RPS6KA2: variants seen among roughly 807,000 people sequenced by gnomAD.
RPS6KA2 encodes ribosomal protein S6 kinase A2.
Under a neutral mutation model 91.8 loss-of-function variants are expected in RPS6KA2, and 42 were observed. The observed-to-expected ratio is 0.46, with a 90% CI of 0.36 to 0.59. The LOEUF (loss-of-function observed/expected upper bound fraction) is 0.59. Ranked by LOEUF, RPS6KA2 falls within the 20% of genes least tolerant of loss-of-function variation. The pLI, the probability that RPS6KA2 is intolerant of heterozygous loss-of-function variation, is 0.00. For missense variants in RPS6KA2, 798 were observed against 978.5 expected (o/e 0.82, Z 2.46); for synonymous variants, 414 against 393.6 (o/e 1.05, Z -0.61).
Position 166,662,653 on chromosome 6 carries a change from A to G in RPS6KA2, c.124-123869T>C, listed in dbSNP as rs1788194103. ...TATATGAATTTGACTTGTGTATCATATACCTGGATTCTCTGGTTTAGCTTG... is the reference window on the plus strand; with the variant it reads ...TATATGAATTTGACTTGTGTATCATGTACCTGGATTCTCTGGTTTAGCTTG... On this transcript the variant is annotated intron_variant, in intron 2 of 21. Coordinates refer to the RPS6KA2 transcript ENST00000503859. The surrounding 1 kb of genome is among the most constrained non-coding windows in gnomAD (Gnocchi z 4.3). Among the ~76,000 whole-genome samples the G allele has an allele frequency of 1.3e-5, 2 of 152,224 alleles. No individual in the cohort carries two copies. The highest frequency in any genetic ancestry group is 2.9e-5 in the Non-Finnish European group (2 of 68,036).
chr6:166,531,966 G>T (rs1562561062), intron 2 of RPS6KA2, among the ~76,000 whole-genome samples: 1 of 151,260 alleles, frequency 6.6e-6, no homozygotes, highest in East Asian at 1.9e-4. Context: ...CAAAACTGGA[G>T]TTCCTTTGTA....
chr6:166,790,779 A>G (rs192203629), intron 2 of RPS6KA2, among the ~76,000 whole-genome samples: 3 of 152,332 alleles, frequency 2.0e-5, no homozygotes, highest in African/African-American at 4.8e-5. Flanking sequence ...CATAAGTGAA[A>G]GAGAAATAAA....
At chr6:166,549,365 T>C (rs981501733) in intron 1 of RPS6KA2, among the ~76,000 whole-genome samples, 2 of 152,214 alleles carry the variant, frequency 1.3e-5, no homozygotes, top group Non-Finnish European at 2.9e-5. Context: ...CAAATGTTCA[T>C]AGCAGCTTTA....
chr6:166,710,721 A>C (rs1173228558), intron 2 of RPS6KA2, among the ~76,000 whole-genome samples: 1 of 152,124 alleles, frequency 6.6e-6, no homozygotes, highest in Non-Finnish European at 1.5e-5. Flanking sequence ...CTGGAAGATG[A>C]CTCTGACAGG....
intron 2 of RPS6KA2, among the ~76,000 whole-genome samples, chr6:166,674,893 T>C (rs769242984): frequency 9.9e-5 from 15 of 152,210 alleles, no homozygotes; most frequent in Non-Finnish European, 2.2e-4. Context: ...GGTCTCTAAC[T>C]CCTGACCTCA....
At chr6:166,501,057 G>C (rs1050494631) in intron 6 of RPS6KA2, 133 bp from the exon 7 acceptor site, 10 of 735,048 alleles carry the variant, frequency 1.4e-5, no homozygotes, top group Non-Finnish European at 2.3e-5. Context: ...AGCTGGCCCA[G>C]GAGATCCCCA....
At chr6:166,589,542 T>C (rs988163295) in intron 1 of RPS6KA2, among the ~76,000 whole-genome samples, 1 of 152,374 alleles carries the variant, frequency 6.6e-6, no homozygotes, top group Non-Finnish European at 1.5e-5. Context: ...CAGTCATGCT[T>C]CATGGAAGGC....
chr6:166,729,422 A>G (rs1389062062), intron 2 of RPS6KA2, among the ~76,000 whole-genome samples: 1 of 152,210 alleles, frequency 6.6e-6, no homozygotes, highest in Admixed American at 6.5e-5. Context: ...ATCACGGCTC[A>G]CTGCAGCTTC....
At chr6:166,646,451 A>G (rs1787604116) in intron 2 of RPS6KA2, among the ~76,000 whole-genome samples, 1 of 152,250 alleles carries the variant, frequency 6.6e-6, no homozygotes, top group Non-Finnish European at 1.5e-5. Flanking sequence ...ACCTTACAGG[A>G]TAAGTCCTAG....
chr6:166,510,552 C>CATATA (rs59484347), intron 3 of RPS6KA2, among the ~76,000 whole-genome samples, 195 bp from the exon 4 acceptor site: 15 of 66,490 alleles, frequency 2.3e-4, no homozygotes, highest in African/African-American at 7.7e-4. Context: ...CTTTCTCTCT[C>CATATA]TCATATATAT....
At chr6:166,776,155 G>C (rs1230662982) in intron 2 of RPS6KA2, among the ~76,000 whole-genome samples, 1 of 152,228 alleles carries the variant, frequency 6.6e-6, no homozygotes, top group African/African-American at 2.4e-5. Flanking sequence ...GTACAGCTTA[G>C]AGGACTTCTA....
intron 2 of RPS6KA2, among the ~76,000 whole-genome samples, chr6:166,848,795 G>T (rs1225889687): frequency 2.0e-5 from 3 of 151,938 alleles, no homozygotes; most frequent in Non-Finnish European, 4.4e-5. Flanking sequence ...TACACACTGG[G>T]TACAGTGTAC....
At chr6:166,749,805 A>ATGTC (rs1791219583) in intron 2 of RPS6KA2, among the ~76,000 whole-genome samples, 1 of 141,918 alleles carries the variant, frequency 7.0e-6, no homozygotes, top group South Asian at 2.3e-4. Context: ...ATCCTCCTTA[A>ATGTC]TGTCTGCACT....
intron 1 of RPS6KA2, among the ~76,000 whole-genome samples, chr6:166,569,624 C>G (rs941952531): frequency 2.6e-5 from 4 of 152,206 alleles, no homozygotes; most frequent in Non-Finnish European, 5.9e-5. Context: ...CAGGACTCCT[C>G]TATGGGCAGG....
At chr6:166,708,841 T>A (rs933568791) in intron 2 of RPS6KA2, among the ~76,000 whole-genome samples, 2 of 152,220 alleles carry the variant, frequency 1.3e-5, no homozygotes, top group African/African-American at 4.8e-5. Flanking sequence ...TGAACTGAAG[T>A]CTCCACCATT....
At chr6:166,804,091 T>C (rs1455055201) in intron 2 of RPS6KA2, among the ~76,000 whole-genome samples, 1 of 152,144 alleles carries the variant, frequency 6.6e-6, no homozygotes, top group African/African-American at 2.4e-5. Flanking sequence ...ATTTCCTTAA[T>C]TCATAATTCT....
intron 6 of RPS6KA2, among the ~76,000 whole-genome samples, chr6:166,502,752 G>T (rs1442858599): frequency 6.6e-6 from 1 of 152,208 alleles, no homozygotes; most frequent in African/African-American, 2.4e-5. Context: ...GACTCCCAGG[G>T]CTCAGAGCAC....
chr6:166,678,674 G>C (rs1206705114), intron 2 of RPS6KA2, among the ~76,000 whole-genome samples: 1 of 152,154 alleles, frequency 6.6e-6, no homozygotes, highest in Non-Finnish European at 1.5e-5. Flanking sequence ...ACTCACGCCT[G>C]GAGAAGCAGC....
intron 9 of RPS6KA2, among the ~76,000 whole-genome samples, chr6:166,489,389 T>G (rs1403747562): frequency 6.6e-6 from 1 of 152,218 alleles, no homozygotes; most frequent in Non-Finnish European, 1.5e-5. Flanking sequence ...GTGCTCGGTC[T>G]GTTGCGATGC....
Sources: allele counts gnomAD v4.1 joint callset (sites outside exome capture counted in the v4.1 genomes callset), GRCh38; gene constraint gnomAD v4.1.1; non-coding constraint Gnocchi (gnomAD v3.1); transcripts MANE v1.5; gene names NCBI Gene and HGNC (gene_info 2026-07-23, HGNC 2026-07-21).